FAT2: variants seen among roughly 807,000 people sequenced by gnomAD.
The protein encoded by FAT2 is protocadherin Fat 2.
Under a neutral mutation model 295.3 loss-of-function variants are expected in FAT2, and 150 were observed. The ratio of observed to expected loss-of-function variants is 0.51; its 90% CI spans 0.44 to 0.58. The LOEUF (loss-of-function observed/expected upper bound fraction) is 0.58, where lower values mean the gene tolerates loss of function less well. Among genes scored for constraint, FAT2 ranks in the 20% least tolerant of loss-of-function variants. FAT2 has a pLI of 0.00. For synonymous variants in FAT2, 2,026 were observed against 2,150.3 expected (o/e 0.94, Z 1.60); for missense variants, 4,868 against 5,442.7 (o/e 0.89, Z 3.32).
In FAT2 at chr5:151,544,383, T is replaced by C. The variant is rs2127609655; in HGVS notation, c.6744A>G (p.Thr2248=). Residue 2248 remains threonine (T), a synonymous_variant, in exon 10 of 24, where the codon ACA becomes ACG. Coordinates refer to ENST00000261800, the MANE Select transcript of FAT2 (RefSeq NM_001447.3). The part of the protein sequence containing the change: ...KHVFTVRATD[T]ALGSFSEATV... ...TGGCTTCAGAAAATGACCCCAGAGC[T>C]GTATCCGTGGCTCTGACTGTGAACA... 6.2e-7 allele frequency: 1 copy of C among 1,614,164 alleles called. No individual in the cohort carries two copies. Among genetic ancestry groups the C allele is most frequent in the South Asian group, 1.1e-5 (1 of 91,082 alleles).
rs1359198495 is a variant in FAT2 at position 151,545,356 on chromosome 5, C to T, written c.5771G>A (p.Ser1924Asn). The T allele has an allele frequency of 2.5e-6, 4 of 1,614,156 alleles. No individual in the cohort carries two copies. Among genetic ancestry groups the T allele is most frequent in the Non-Finnish European group, 3.4e-6 (4 of 1,180,016 alleles). The change falls in exon 10 of 24, where the codon AGC (serine) becomes AAC (asparagine). Residue 1924 changes from serine to asparagine, a missense_variant. Ser to Asn is a conservative substitution (Grantham distance 46). Transcript: ENST00000261800. Reference protein sequence around the residue: ...EAVTIHPVTGSISVLNPAFLG... With the variant: ...EAVTIHPVTGNISVLNPAFLG... ...GAAAGCAGGATTCAGCACAGATATG[C>T]TACCAGTGACAGGATGGATGGTAAC... is the stretch of plus-strand genomic sequence containing the variant.
At chr5:151,590,736 G>A (rs1274195778) in intron 1 of FAT2, among the ~76,000 whole-genome samples, 1 of 152,166 alleles carries the variant, frequency 6.6e-6, no homozygotes, top group African/African-American at 2.4e-5. Context: ...CAAGAAGCCA[G>A]CAACTCTCAA....
chr5:151,588,976 AATAAT>A (rs1263318791), intron 1 of FAT2, among the ~76,000 whole-genome samples: 3 of 152,312 alleles, frequency 2.0e-5, no homozygotes, highest in Non-Finnish European at 4.4e-5. Context: ...TCACATGGCT[AATAAT>A]ATCCGGGAGT....
intron 23 of FAT2, among the ~76,000 whole-genome samples, chr5:151,506,370 C>T (rs1760872435): frequency 6.6e-6 from 1 of 152,222 alleles, no homozygotes; most frequent in South Asian, 2.1e-4. Context: ...TTGGATGTCT[C>T]CATGCAACCC....
At position 151,521,421 on chromosome 5, in the gene FAT2, C is replaced by G; in HGVS notation, c.11172G>C (p.Met3724Ile). The change falls in exon 19 of 24, where the codon ATG (methionine) becomes ATC (isoleucine). Residue 3724 changes from methionine (M) to isoleucine (I), a missense_variant. Met to Ile is a conservative substitution (Grantham distance 10). Around this residue, in one of 5 missense-constraint regions of FAT2, gnomAD observed 1,046 missense variants for 1,210.1 expected, o/e 0.86. Transcript: ENST00000261800. ...VGVQMRSAMP[M>I]VPCQGPTCQG... ...GGCAGGTTGGCCCCTGGCAGGGCAC[C>G]ATGGGCATAGCTGACCGCATCTGAA... 4 of 1,614,210 alleles carry G rather than the reference C, an allele frequency of 2.5e-6. No homozygotes were observed. Among genetic ancestry groups the G allele is most frequent in the Non-Finnish European group, 3.4e-6 (4 of 1,180,020 alleles).
In FAT2 at chr5:151,544,133, A is replaced by T. The variant is rs761240156; in HGVS notation, c.6994T>A (p.Ser2332Thr). The T allele has an allele frequency of 3.1e-6, 5 of 1,614,062 alleles. No individual in the cohort carries two copies. Among genetic ancestry groups the T allele is most frequent in the Non-Finnish European group, 4.2e-6 (5 of 1,180,046 alleles). The change falls in exon 10 of 24, where the codon TCC becomes ACC. Residue 2332 changes from serine to threonine, a missense_variant. Around this residue, in one of 5 missense-constraint regions of FAT2, gnomAD observed 3,297 missense variants for 3,669.4 expected, o/e 0.90. Transcript: ENST00000261800. ...FQINGSTGEM[S>T]TVQELDYEAQ... The stretch of plus-strand genomic sequence containing the variant: ...TCATAATCCAGTTCTTGAACTGTGG[A>T]CATCTCCCCTGTGCTCCCATTGATC...
In FAT2 at chr5:151,529,448, G is replaced by A. The variant is rs1754359587; in HGVS notation, c.9812-56C>T. On this transcript the variant is annotated intron_variant, in intron 14 of 23. Transcript: ENST00000261800. ...AGGCAGTTGGGCCCTCAAAGGCGCA[G>A]GACTGAGGGTCTGAGCCCAGCCCTA... The A allele has an allele frequency of 4.0e-6, 6 of 1,503,848 alleles. No homozygotes were observed. The Admixed American group carries it at 5.1e-5, about 13-fold the overall frequency. The allele number at this position is 1,503,848 out of a possible 1,614,324, so 93.2% of individuals were successfully genotyped here. A position where few individuals can be genotyped will look rare whatever the true frequency, so the allele number is the denominator to read the frequency against.
At chr5:151,560,885 T>A (rs1050526395) in intron 3 of FAT2, among the ~76,000 whole-genome samples, 5 of 152,354 alleles carry the variant, frequency 3.3e-5, no homozygotes, top group African/African-American at 1.2e-4. Flanking sequence ...ATTTAGCAAT[T>A]ATTTGTTGAG....
chr5:151,524,739 G>A (rs7724497), intron 18 of FAT2, among the ~76,000 whole-genome samples: 9,791 of 152,134 alleles, frequency 0.064, 426 homozygotes, highest in African/African-American at 0.12. Context: ...TGCTCATGAT[G>A]TTCTCAGTAC....
At position 151,567,742 on chromosome 5, in the gene FAT2, A is replaced by T; in HGVS notation, c.1190T>A (p.Leu397Gln). 6.2e-7 allele frequency: 1 copy of T among 1,614,264 alleles called. No individual in the cohort carries two copies. Among genetic ancestry groups the T allele is most frequent in the Non-Finnish European group, 8.5e-7 (1 of 1,180,052 alleles). ...TCCTACATTCTCTGAAGATGGCTTT[A>T]GAACATACTGCAGGTTGGGGAAGGC... Reference protein sequence around the residue: ...TPAFPNLQYVLKPSSENVGFK... With the variant: ...TPAFPNLQYVQKPSSENVGFK... The change falls in exon 2 of 24, where the codon CTA becomes CAA. Residue 397 changes from leucine to glutamine, a missense_variant. Transcript: ENST00000261800.
chr5:151,533,587 A>G (rs1335916356), intron 13 of FAT2, among the ~76,000 whole-genome samples: 4 of 152,164 alleles, frequency 2.6e-5, no homozygotes, highest in Admixed American at 6.5e-5. Context: ...TGTCAAACAG[A>G]GCAGGGTGTT....
chr5:151,560,792 A>C (rs1394175080), intron 3 of FAT2, among the ~76,000 whole-genome samples: 1 of 152,268 alleles, frequency 6.6e-6, no homozygotes, highest in African/African-American at 2.4e-5. Context: ...GTAAGGTCAG[A>C]CACCTTTAAA....
intron 4 of FAT2, among the ~76,000 whole-genome samples, chr5:151,555,495 C>G (rs185256478): frequency 1.3e-5 from 2 of 151,316 alleles, no homozygotes; most frequent in Non-Finnish European, 2.9e-5. Context: ...TCAGCCTCCC[C>G]GGTAGCTGGG....
chr5:151,567,918 C>G lies in FAT2; in HGVS notation c.1014G>C (p.Gly338=). 2 of 1,614,110 alleles carry G rather than the reference C, an allele frequency of 1.2e-6. No individual in the cohort carries two copies. Among genetic ancestry groups the G allele is most frequent in the East Asian group, 2.2e-5 (1 of 44,890 alleles). Reference sequence around the variant, plus strand: ...TCTGGGAATAAAAATAAGGGCCGCTCCCACTCCTGGCCTGGAGGCTGAGGT... The same window carrying G: ...TCTGGGAATAAAAATAAGGGCCGCTGCCACTCCTGGCCTGGAGGCTGAGGT... ...GFNLSLQARS[G]SGPYFYSQIR... is the part of the protein sequence containing the mutation. Residue 338 remains glycine (G), a synonymous_variant, in exon 2 of 24, where the codon GGG becomes GGC. Transcript: ENST00000261800.
Position 151,568,734 on chromosome 5 carries a change from C to T in FAT2, c.198G>A (p.Gln66=), listed in dbSNP as rs1758399564. The T allele has an allele frequency of 6.2e-7, 1 of 1,614,066 alleles. No individual in the cohort carries two copies. The highest frequency in any genetic ancestry group is 8.5e-7 in the Non-Finnish European group (1 of 1,180,040). ...AGATGATCCGGTACCTCACTGCCCA[C>T]TGTGGCTCCGCGAGGTAGATGCCCA... is the stretch of plus-strand genomic sequence containing the variant. ...EKMGIYLAEP[Q]WAVRYRIISG... is the part of the protein sequence containing the mutation. Residue 66 remains glutamine (Q), a synonymous_variant, in exon 2 of 24, where the codon CAG becomes CAA. Transcript: ENST00000261800.
chr5:151,594,323 T>C (rs888970665), upstream of FAT2, among the ~76,000 whole-genome samples: 6 of 152,298 alleles, frequency 3.9e-5, no homozygotes, highest in East Asian at 3.9e-4. Flanking sequence ...CCCTACTCTA[T>C]TGGAAGTTCC....
rs1232034219 is a variant in FAT2 at position 151,564,446 on chromosome 5, GT to G, written c.3260-808del. Among the ~76,000 whole-genome samples, 6 of 152,348 alleles carry G rather than the reference GT, an allele frequency of 3.9e-5. No homozygotes were observed. In the East Asian group the frequency reaches 1.2e-3, roughly 29 times the overall value. On this transcript the variant is annotated intron_variant, in intron 2 of 23. Transcript: ENST00000261800. ...TTAAACAGCTTAATTAAATTAAGCT[GT>G]TTTCTTTCAGTGGCTGGCATTAAGA...
At chr5:151,570,568 A>G (rs1758481289) in intron 1 of FAT2, among the ~76,000 whole-genome samples, 1 of 152,136 alleles carries the variant, frequency 6.6e-6, no homozygotes, top group South Asian at 2.1e-4. Flanking sequence ...AAAATGTGAG[A>G]CTCACCAGGG....
chr5:151,519,586 G>A (rs6896503), intron 19 of FAT2, among the ~76,000 whole-genome samples: 87,705 of 151,860 alleles, frequency 0.58, 25,749 homozygotes, highest in East Asian at 0.83. Context: ...ACCATCATGG[G>A]TGTAACAACT....
Sources: gnomAD v4.1 joint callset for allele counts (sites outside exome capture counted in the v4.1 genomes callset) on GRCh38, gnomAD v4.1.1 for gene constraint, gnomAD v4.1.1 regional missense constraint, MANE v1.5 for transcripts, NCBI Gene and HGNC (gene_info 2026-07-23, HGNC 2026-07-21) for gene names.